Variants in SMCHD1 observed in about 807,000 individuals in gnomAD.
SMCHD1 encodes the protein structural maintenance of chromosomes flexible hinge domain-containing protein 1.
SMCHD1 carries 78 observed loss-of-function variants against 254.7 expected under a neutral mutation model. The observed-to-expected ratio is 0.31, with a 90% CI of 0.26 to 0.37. The LOEUF (loss-of-function observed/expected upper bound fraction) is 0.37. Ranked by LOEUF, SMCHD1 falls within the 10% of genes least tolerant of loss-of-function variation. The pLI is 1.00. For synonymous variants in SMCHD1, 766 were observed against 794.9 expected (o/e 0.96, Z 0.61); for missense variants, 1,840 against 2,408.1 (o/e 0.76, Z 4.94).
At chr18:2,687,702 C>A (rs1244866886) in intron 5 of SMCHD1, among the ~76,000 whole-genome samples, 2 of 152,156 alleles carry the variant, frequency 1.3e-5, no homozygotes, top group Non-Finnish European at 2.9e-5. Context: ...TCATTTATGT[C>A]TTTTAACGCC....
chr18:2,698,800 C>T (rs1020388220), intron 10 of SMCHD1, among the ~76,000 whole-genome samples: 8 of 152,014 alleles, frequency 5.3e-5, no homozygotes, highest in African/African-American at 1.9e-4. Context: ...TTGTATAATA[C>T]AAAGTTCCCA....
chr18:2,752,405 A>C, intron 33 of SMCHD1, 83 bp from the exon 34 acceptor site: 1 of 827,796 alleles, frequency 1.2e-6, no homozygotes, highest in Non-Finnish European at 2.1e-6. Flanking sequence ...CAGTTTAGGT[A>C]TATAATAAGC....
At chr18:2,732,196 T>G in intron 24 of SMCHD1, 69 bp from the exon 25 acceptor site, 1 of 1,186,682 alleles carries the variant, frequency 8.4e-7, no homozygotes, top group Admixed American at 2.1e-5. Context: ...ATATTGAAAG[T>G]AAATTCTTCA....
At chr18:2,734,202 C>A (rs17627648) in intron 25 of SMCHD1, among the ~76,000 whole-genome samples, 29,507 of 152,012 alleles carry the variant, frequency 0.19, 3,112 homozygotes, top group South Asian at 0.27. Flanking sequence ...AGGAGGTAAG[C>A]CATTTTTATC....
chr18:2,701,552 A>G (rs1187661942), intron 12 of SMCHD1, among the ~76,000 whole-genome samples: 4 of 152,226 alleles, frequency 2.6e-5, no homozygotes, highest in African/African-American at 2.4e-5. Context: ...TTTAAGGGCT[A>G]TATTTGTATA....
intron 39 of SMCHD1, 66 bp from the exon 40 acceptor site, chr18:2,771,467 A>G (rs372010888): frequency 9.1e-6 from 11 of 1,211,724 alleles, no homozygotes; most frequent in Admixed American, 2.7e-5. Context: ...ACTTTAAAAT[A>G]TTTTTCAAAA....
rs143878474 is a variant in SMCHD1, at chr18:2,668,949, A to G, written c.424+1918A>G. ...TTTTGCAGTAACGTGACCATAGCAC[A>G]CTGTAGCCTCGAACTCCTAAGCTTA... On this transcript the variant is annotated intron_variant, in intron 3 of 47. Coordinates refer to ENST00000320876, the MANE Select transcript of SMCHD1 (RefSeq NM_015295.3). Among the ~76,000 whole-genome samples, 325 of 151,946 alleles carry G rather than the reference A, an allele frequency of 2.1e-3. 2 individuals carry two copies. Among genetic ancestry groups the G allele is most frequent in the South Asian group, 3.7e-3 (18 of 4,812 alleles).
intron 45 of SMCHD1, among the ~76,000 whole-genome samples, chr18:2,791,759 A>G (rs1233719640): frequency 6.6e-6 from 1 of 152,230 alleles, no homozygotes; most frequent in Non-Finnish European, 1.5e-5. Context: ...TGAGAAGAAC[A>G]GGTTGGGAGT....
chr18:2,771,753 A>G lies in SMCHD1; in HGVS notation c.5052+135A>G, dbSNP rs117922169. 403 of 631,572 alleles carry G rather than the reference A, an allele frequency of 6.4e-4. 5 individuals carry two copies. The East Asian group carries it at 0.013, about 21-fold the overall frequency. 39.1% of individuals were successfully genotyped at this position (631,572 alleles called of 1,614,324 possible). On this transcript the variant is annotated intron_variant, in intron 40 of 47. Coordinates refer to ENST00000320876, the MANE Select transcript of SMCHD1 (RefSeq NM_015295.3). ...AAGACGTGCATTATCGTCACTAGAC[A>G]TTAAAAATGACTAACAAAATGATAG...
At chr18:2,792,767 A>G (rs1568401145) in intron 45 of SMCHD1, among the ~76,000 whole-genome samples, 1 of 152,196 alleles carries the variant, frequency 6.6e-6, no homozygotes, top group Non-Finnish European at 1.5e-5. Context: ...AAATAAAGCT[A>G]TTCTTAATAT....
At chr18:2,723,119 T>A (rs2074959851) in intron 20 of SMCHD1, among the ~76,000 whole-genome samples, 1 of 152,248 alleles carries the variant, frequency 6.6e-6, no homozygotes, top group South Asian at 2.1e-4. Context: ...TTTCTCGACC[T>A]TATGATTACT....
intron 34 of SMCHD1, among the ~76,000 whole-genome samples, chr18:2,754,208 C>T (rs2075629991): frequency 6.6e-6 from 1 of 151,996 alleles, no homozygotes; most frequent in Non-Finnish European, 1.5e-5. Context: ...TTCTTTGTGT[C>T]CTGTTTAAGT....
intron 17 of SMCHD1, among the ~76,000 whole-genome samples, chr18:2,708,915 T>TATATATATATAAAAC (rs1568199419): frequency 9.9e-5 from 9 of 90,458 alleles, no homozygotes; most frequent in African/African-American, 3.8e-4. Context: ...TATAACATAT[T>TATATATATATAAAAC]AACATGAAAT....
intron 5 of SMCHD1, among the ~76,000 whole-genome samples, chr18:2,678,253 TTC>T (rs775833042): frequency 1.5e-3 from 177 of 114,264 alleles, no homozygotes; most frequent in African/African-American, 5.3e-3. Context: ...CGTTCTTTCT[TTC>T]TCTCTCTCTC....
At chr18:2,749,714 G>A (rs926204774) in intron 30 of SMCHD1, among the ~76,000 whole-genome samples, 7 of 152,268 alleles carry the variant, frequency 4.6e-5, no homozygotes, top group Non-Finnish European at 8.8e-5. Flanking sequence ...CCCAGCTTTA[G>A]AATATACCTT....
At chr18:2,778,003 T>C in intron 43 of SMCHD1, 88 bp downstream of exon 43, 1 of 1,062,654 alleles carries the variant, frequency 9.4e-7, no homozygotes, top group Non-Finnish European at 1.4e-6. Flanking sequence ...AAATTTATAT[T>C]CTTATTTTGC....
intron 3 of SMCHD1, among the ~76,000 whole-genome samples, chr18:2,670,640 C>G (rs1306696167): frequency 2.0e-5 from 3 of 152,124 alleles, no homozygotes; most frequent in Non-Finnish European, 4.4e-5. Context: ...TGGGCTCACG[C>G]CTGTAATCCC....
chr18:2,698,303 A>T (rs937010387), intron 10 of SMCHD1, among the ~76,000 whole-genome samples: 1 of 152,148 alleles, frequency 6.6e-6, no homozygotes, highest in Non-Finnish European at 1.5e-5. Flanking sequence ...TATGCGTATT[A>T]ATCCTTTATA....
rs2076256335 is a variant in SMCHD1, at chr18:2,795,975, G to A, written c.5746G>A (p.Val1916Met). 2.5e-6 allele frequency: 4 copies of A among 1,596,342 alleles called. No homozygotes were observed. In the South Asian group the frequency reaches 3.4e-5, roughly 14 times the overall value. The change falls in exon 46 of 48, where the codon GTG (valine) becomes ATG (methionine). Residue 1916 changes from valine (V) to methionine (M), a missense_variant. Transcript: ENST00000320876. ...IDLLQQYRSA[V>M]CKLDSVNKDL... is the part of the protein sequence containing the mutation. ...TCTTCTTCAGCAGTATCGTTCTGCT[G>A]TGTGCAAACTAGACAGTGTGAATAA...
Sources: gnomAD v4.1 joint callset for allele counts (sites outside exome capture counted in the v4.1 genomes callset) on GRCh38, gnomAD v4.1.1 for gene constraint, MANE v1.5 for transcripts, NCBI Gene and HGNC (gene_info 2026-07-23, HGNC 2026-07-21) for gene names.